Variants in PPP1R14C observed in about 807,000 individuals in gnomAD.
PPP1R14C encodes the protein protein phosphatase 1 regulatory inhibitor subunit 14C.
In PPP1R14C, 16 loss-of-function variants were observed where a neutral mutation model predicts 20.4. That is an observed-to-expected ratio of 0.78 (90% CI 0.53 to 1.19). The LOEUF is 1.19. Among genes scored for constraint, PPP1R14C ranks in the 50% most tolerant of loss-of-function variants. PPP1R14C has a pLI of 0.00. For synonymous variants in PPP1R14C, 91 were observed against 91.0 expected (o/e 1.00, Z 0.00); for missense variants, 211 against 220.1 (o/e 0.96, Z 0.26).
intron 3 of PPP1R14C, among the ~76,000 whole-genome samples, chr6:150,238,896 C>T (rs182123898): frequency 1.4e-4 from 21 of 152,218 alleles, no homozygotes; most frequent in Middle Eastern, 3.4e-3. Flanking sequence ...GGATTAAATA[C>T]GGGACCATGT....
intron 3 of PPP1R14C, among the ~76,000 whole-genome samples, chr6:150,225,577 G>C (rs1778221681): frequency 6.6e-6 from 1 of 152,164 alleles, no homozygotes; most frequent in Admixed American, 6.5e-5. Context: ...GGATTTTTGA[G>C]TTTGTTCAGC....
At chr6:150,237,811 G>A (rs750074869) in intron 3 of PPP1R14C, among the ~76,000 whole-genome samples, 7 of 152,162 alleles carry the variant, frequency 4.6e-5, no homozygotes, top group Non-Finnish European at 8.8e-5. Context: ...AGTCCCTCTC[G>A]TAGGCATGTG....
In PPP1R14C at chr6:150,194,442, G is replaced by A. The variant is rs538376051; in HGVS notation, c.307-20302G>A. On this transcript the variant is annotated intron_variant, in intron 1 of 3. Transcript: ENST00000361131. ...TATGTACAAAATGATACTGTAAACAGGATTTTAAGTGGCATGTGTAATTTA... is the reference window on the plus strand; with the variant it reads ...TATGTACAAAATGATACTGTAAACAAGATTTTAAGTGGCATGTGTAATTTA... 1.9e-3 allele frequency: 1,917 copies of A among 983,406 alleles called. 2 individuals carry two copies. The highest frequency in any genetic ancestry group is 2.2e-3 in the Non-Finnish European group (1,792 of 828,114). The allele number at this position is 983,406 out of a possible 1,614,324, so 60.9% of individuals were successfully genotyped here. A position where few individuals can be genotyped will look rare whatever the true frequency, so the allele number is the denominator to read the frequency against.
rs754844523 is a variant in PPP1R14C at position 150,249,532 on chromosome 6, G to T, written c.*712G>T. On this transcript the variant is annotated 3_prime_UTR_variant, in exon 4 of 4. Transcript: ENST00000361131. ...ATTATTTCATTGGTTGGGATGCTTT[G>T]CCAGGTCATGTGCTTATTGTCTCAT... 5 of 398,444 alleles carry T rather than the reference G, an allele frequency of 1.3e-5. No homozygotes were observed. The East Asian group carries it at 1.4e-4, about 11-fold the overall frequency. The allele number at this position is 398,444 out of a possible 1,614,324, so 24.7% of individuals were successfully genotyped here. A position where few individuals can be genotyped will look rare whatever the true frequency, so the allele number is the denominator to read the frequency against.
intron 2 of PPP1R14C, among the ~76,000 whole-genome samples, chr6:150,215,367 C>A (rs573512295): frequency 1.5e-4 from 23 of 152,294 alleles, no homozygotes; most frequent in African/African-American, 5.5e-4. Context: ...TAGTGGACAG[C>A]AATAAAGTAC....
At chr6:150,182,217 C>G (rs891848866) in intron 1 of PPP1R14C, among the ~76,000 whole-genome samples, 11 of 152,208 alleles carry the variant, frequency 7.2e-5, no homozygotes, top group African/African-American at 2.7e-4. Context: ...GACCTGCCGG[C>G]TTTGAATCTG....
chr6:150,206,287 G>T (rs1777949252), intron 1 of PPP1R14C, among the ~76,000 whole-genome samples: 1 of 152,086 alleles, frequency 6.6e-6, no homozygotes, highest in South Asian at 2.1e-4. Context: ...TGTACGTATT[G>T]TACTTATTTG....
intron 3 of PPP1R14C, among the ~76,000 whole-genome samples, chr6:150,220,154 C>T (rs1181157705): frequency 6.6e-6 from 1 of 152,218 alleles, no homozygotes; most frequent in Non-Finnish European, 1.5e-5. Context: ...CGCGCCCGGC[C>T]AAGACTGTTT....
Position 150,167,585 on chromosome 6 carries a change from A to G in PPP1R14C, c.306+24087A>G, listed in dbSNP as rs150485689. On this transcript the variant is annotated intron_variant, in intron 1 of 3. Coordinates refer to ENST00000361131, the MANE Select transcript of PPP1R14C (RefSeq NM_030949.3). ...GAAGCAACAAACTAGGCTGCTAGGT[A>G]TACGTTCTGGGAGAACATCTAGAAG... 5.0e-3 allele frequency among the ~76,000 whole-genome samples: 767 copies of G among 152,272 alleles called. 5 individuals carry two copies. The highest frequency in any genetic ancestry group is 0.018 in the African/African-American group (734 of 41,560).
chr6:150,146,391 G>A (rs1777180863), intron 1 of PPP1R14C, among the ~76,000 whole-genome samples: 1 of 152,184 alleles, frequency 6.6e-6, no homozygotes, highest in South Asian at 2.1e-4. Context: ...AAACTTATGA[G>A]TTAAACTAAC....
chr6:150,217,751 T>A (rs1463531535), intron 3 of PPP1R14C, among the ~76,000 whole-genome samples: 1 of 152,190 alleles, frequency 6.6e-6, no homozygotes, highest in African/African-American at 2.4e-5. Context: ...CTCTGATAAA[T>A]TGGAGAAATT....
chr6:150,222,642 A>C (rs1045611791), intron 3 of PPP1R14C, among the ~76,000 whole-genome samples: 1 of 151,422 alleles, frequency 6.6e-6, no homozygotes, highest in African/African-American at 2.4e-5. Flanking sequence ...GCAACCACTG[A>C]TCTCTTTATT....
intron 1 of PPP1R14C, among the ~76,000 whole-genome samples, chr6:150,167,095 G>A (rs1287643166): frequency 2.6e-5 from 4 of 152,162 alleles, no homozygotes; most frequent in African/African-American, 4.8e-5. Context: ...GGCCGGGCGC[G>A]GTGGCTCACG....
intron 1 of PPP1R14C, among the ~76,000 whole-genome samples, chr6:150,212,229 G>T (rs755527086): frequency 4.6e-5 from 7 of 152,228 alleles, no homozygotes; most frequent in South Asian, 4.1e-4. Context: ...CACTTGCCTC[G>T]TGTAGCTATT....
chr6:150,177,684 G>T (rs1041393503), intron 1 of PPP1R14C, among the ~76,000 whole-genome samples: 2 of 152,124 alleles, frequency 1.3e-5, no homozygotes, highest in African/African-American at 4.8e-5. Context: ...TGTCCCCAAA[G>T]TCCCACAGTC....
At chr6:150,188,134 T>G (rs937589425) in intron 1 of PPP1R14C, among the ~76,000 whole-genome samples, 3 of 152,248 alleles carry the variant, frequency 2.0e-5, no homozygotes, top group Non-Finnish European at 2.9e-5. Flanking sequence ...ATTGGGTGGT[T>G]GTTCTAATTT....
intron 1 of PPP1R14C, among the ~76,000 whole-genome samples, chr6:150,147,286 T>A (rs1278564006): frequency 6.6e-6 from 1 of 152,130 alleles, no homozygotes; most frequent in Admixed American, 6.5e-5. Context: ...TTCAAACGAT[T>A]CTCCTGCTTC....
intron 3 of PPP1R14C, among the ~76,000 whole-genome samples, chr6:150,230,749 A>G (rs1326024334): frequency 6.6e-6 from 1 of 152,164 alleles, no homozygotes; most frequent in East Asian, 1.9e-4. Flanking sequence ...CATAATATCC[A>G]TTTATCTCGT....
At chr6:150,175,648 C>T (rs753504324) in intron 1 of PPP1R14C, among the ~76,000 whole-genome samples, 11 of 152,112 alleles carry the variant, frequency 7.2e-5, no homozygotes, top group East Asian at 1.9e-4. Context: ...CAGGTACAGA[C>T]GGTGGGTAAT....
Sources: allele counts gnomAD v4.1 joint callset (sites outside exome capture counted in the v4.1 genomes callset), GRCh38; gene constraint gnomAD v4.1.1; transcripts MANE v1.5; gene names NCBI Gene and HGNC (gene_info 2026-07-23, HGNC 2026-07-21).